Variants in POLA1 observed in about 807,000 individuals in gnomAD.
The protein encoded by POLA1 is DNA polymerase alpha 1, catalytic subunit.
In POLA1, 15 loss-of-function variants were observed where a neutral mutation model predicts 124.0. That is an observed-to-expected ratio of 0.12 (90% CI 0.08 to 0.19). POLA1 has a LOEUF of 0.19. Ranked by LOEUF, POLA1 falls within the 10% of genes least tolerant of loss-of-function variation. The pLI is 1.00. For missense variants in POLA1, 886 were observed against 1,103.4 expected (o/e 0.80, Z 2.79); for synonymous variants, 408 against 389.4 (o/e 1.05, Z -0.56).
At chrX:24,780,574 G>T (rs759342042) in intron 26 of POLA1, among the ~76,000 whole-genome samples, 3 of 111,326 alleles carry the variant, frequency 2.7e-5, no homozygotes, top group Middle Eastern at 4.6e-3. Flanking sequence ...TTTTTGTTTT[G>T]TTCTGTTTTA....
At chrX:24,827,961 C>T (rs1189680589) in intron 32 of POLA1, among the ~76,000 whole-genome samples, 2 of 111,927 alleles carry the variant, frequency 1.8e-5, no homozygotes, top group Non-Finnish European at 3.8e-5. Context: ...CTGTCCTGCA[C>T]CTGTTCAGTA....
intron 32 of POLA1, among the ~76,000 whole-genome samples, chrX:24,837,615 A>G (rs1335812458): frequency 1.8e-5 from 2 of 112,131 alleles, no homozygotes; most frequent in African/African-American, 3.2e-5. Context: ...TAATCATACT[A>G]AATTTTCAGT....
At chrX:24,789,139 G>A in intron 26 of POLA1, 1 of 994,397 alleles carries the variant, frequency 1.0e-6, no homozygotes, top group Non-Finnish European at 1.4e-6. Flanking sequence ...GTTCTACATA[G>A]TAGTGGAAGT....
rs185651558 is a variant in POLA1, at chrX:24,837,042, C to T, written c.3737-4610C>T. ...CGTGGTATCATGTTGGCACTCAAAA[C>T]GTTTCAAATTTTGGAGGATTTCAGA... is the stretch of plus-strand genomic sequence containing the variant. On this transcript the variant is annotated intron_variant, in intron 32 of 36. Transcript: ENST00000379068. Among the ~76,000 whole-genome samples the T allele has an allele frequency of 3.6e-5, 4 of 111,859 alleles. No homozygotes were observed. In the East Asian group the frequency reaches 1.1e-3, roughly 31 times the overall value.
chrX:24,743,258 A>T lies in POLA1; in HGVS notation c.2495A>T (p.Asp832Val), dbSNP rs1414383808. 1 of 1,142,157 alleles carries T rather than the reference A, an allele frequency of 8.8e-7. No homozygotes were observed. Among genetic ancestry groups the T allele is most frequent in the Admixed American group, 2.3e-5 (1 of 44,123 alleles). 94.1% of individuals were successfully genotyped at this position (1,142,157 alleles called of 1,213,427 possible). Residue 832 changes from aspartate to valine, a missense_variant, in exon 23 of 37, where the codon GAT becomes GTT. Coordinates refer to ENST00000379068, the MANE Select transcript of POLA1 (RefSeq NM_001330360.2). ...GATGAAGATGAAGAAATTGATGGAGATACCAATAAATACAAGAAAGGACGT... is the reference window on the plus strand; with the variant it reads ...GATGAAGATGAAGAAATTGATGGAGTTACCAATAAATACAAGAAAGGACGT... ...LGDEDEEIDG[D>V]TNKYKKGRKK...
chrX:24,759,997 C>G (rs1427600655), intron 26 of POLA1, among the ~76,000 whole-genome samples: 1 of 112,197 alleles, frequency 8.9e-6, no homozygotes, highest in African/African-American at 3.2e-5. Flanking sequence ...GGCAGTGAAC[C>G]AAGATGACAG....
intron 34 of POLA1, among the ~76,000 whole-genome samples, chrX:24,852,012 T>C (rs1240769605): frequency 8.9e-6 from 1 of 112,689 alleles, no homozygotes; most frequent in Non-Finnish European, 1.9e-5. Context: ...TTTTCATATT[T>C]GGTTTGCCCA....
chrX:24,731,892 C>T (rs1489662858), intron 15 of POLA1, among the ~76,000 whole-genome samples: 1 of 111,829 alleles, frequency 8.9e-6, no homozygotes, highest in East Asian at 2.8e-4. Context: ...GATGGCTATA[C>T]AGGAGTTAAT....
intron 36 of POLA1, among the ~76,000 whole-genome samples, chrX:24,937,741 T>A (rs1177573444): frequency 8.9e-6 from 1 of 112,274 alleles, no homozygotes; most frequent in Non-Finnish European, 1.9e-5. Flanking sequence ...TTTAACAAGA[T>A]CCTCAGGTGA....
chrX:24,863,958 CTATT>C (rs61095074), intron 34 of POLA1, among the ~76,000 whole-genome samples: 34,547 of 96,737 alleles, frequency 0.36, 5,468 homozygotes, highest in African/African-American at 0.45. Context: ...TTTTCTGGAA[CTATT>C]TATTTATTTA....
chrX:24,790,725 A>G (rs1320294528), intron 26 of POLA1, among the ~76,000 whole-genome samples: 3 of 110,199 alleles, frequency 2.7e-5, no homozygotes, highest in African/African-American at 9.9e-5. Flanking sequence ...TGCAATTTAC[A>G]TATACTGAAA....
chrX:24,879,107 T>G (rs1226009898), intron 34 of POLA1, among the ~76,000 whole-genome samples: 1 of 111,728 alleles, frequency 9.0e-6, no homozygotes, highest in Non-Finnish European at 1.9e-5. Flanking sequence ...CATTATTGTG[T>G]GTACATAGCT....
At position 24,714,748 on chromosome X, in the gene POLA1, G is replaced by A. The variant is rs141686586; in HGVS notation, c.462+79G>A. 5 of 545,944 alleles carry A rather than the reference G, an allele frequency of 9.2e-6. No individual in the cohort carries two copies. The African/African-American group carries it at 1.2e-4, about 13-fold the overall frequency. The allele number at this position is 545,944 out of a possible 1,213,427, so 45.0% of individuals were successfully genotyped here. Reference sequence around the variant, plus strand: ...ATATTTGATTATACAGATAACAGGTGCTCTGTATATATTTGAGTAACATTT... The same window carrying A: ...ATATTTGATTATACAGATAACAGGTACTCTGTATATATTTGAGTAACATTT... On this transcript the variant is annotated intron_variant, in intron 5 of 36. Coordinates refer to ENST00000379068, the MANE Select transcript of POLA1 (RefSeq NM_001330360.2).
At chrX:24,857,268 T>C (rs1191559443) in intron 34 of POLA1, among the ~76,000 whole-genome samples, 2 of 112,070 alleles carry the variant, frequency 1.8e-5, no homozygotes, top group Non-Finnish European at 3.8e-5. Context: ...CTCTTTGATC[T>C]CTTCCATTGA....
rs910562146 is a variant in POLA1, at chrX:24,983,941, C to T, written c.4262-11864C>T. 9.0e-5 allele frequency among the ~76,000 whole-genome samples: 10 copies of T among 111,673 alleles called. No individual in the cohort carries two copies. In the Admixed American group the frequency reaches 9.5e-4, roughly 11 times the overall value. ...TCTACTACCTGCCTCCCCCAAAACT[C>T]CCTGCTTCCGTCTGCAAAATGAGGA... On this transcript the variant is annotated intron_variant, in intron 36 of 36. Transcript: ENST00000379068.
intron 10 of POLA1, among the ~76,000 whole-genome samples, chrX:24,720,238 C>T (rs776630049): frequency 1.5e-4 from 17 of 111,793 alleles, no homozygotes; most frequent in Non-Finnish European, 3.0e-4. Context: ...CCTAAACCTC[C>T]AGACGGGTCT....
At chrX:24,917,441 T>C (rs2047551031) in intron 35 of POLA1, among the ~76,000 whole-genome samples, 1 of 112,247 alleles carries the variant, frequency 8.9e-6, no homozygotes, top group Non-Finnish European at 1.9e-5. Flanking sequence ...TTTTATTACT[T>C]TTTCTTTGGT....
At chrX:24,758,626 A>G (rs1209208160) in intron 26 of POLA1, among the ~76,000 whole-genome samples, 1 of 112,438 alleles carries the variant, frequency 8.9e-6, no homozygotes, top group Non-Finnish European at 1.9e-5. Flanking sequence ...CAAGGAGGCC[A>G]TTTAGCCATC....
At chrX:24,889,498 A>G (rs1164387427) in intron 35 of POLA1, among the ~76,000 whole-genome samples, 2 of 112,269 alleles carry the variant, frequency 1.8e-5, no homozygotes, top group East Asian at 5.6e-4. Flanking sequence ...ACAGGTCCAT[A>G]ATGTGCCTCA....
Sources: gnomAD v4.1 joint callset for allele counts (sites outside exome capture counted in the v4.1 genomes callset) on GRCh38, gnomAD v4.1.1 for gene constraint, MANE v1.5 for transcripts, NCBI Gene and HGNC (gene_info 2026-07-23, HGNC 2026-07-21) for gene names.